CACNA1C: variants seen among roughly 807,000 people sequenced by gnomAD.
CACNA1C encodes the protein calcium voltage-gated channel subunit alpha1 C.
CACNA1C carries 30 observed loss-of-function variants against 229.0 expected under a neutral mutation model. The observed-to-expected ratio is 0.13, with a 90% confidence interval of 0.10 to 0.18. The LOEUF (loss-of-function observed/expected upper bound fraction) is 0.18, where lower values mean the gene tolerates loss of function less well. CACNA1C is among the 10% of genes least tolerant of loss of function. The pLI, the probability that CACNA1C is intolerant of heterozygous loss-of-function variation, is 1.00. For missense variants in CACNA1C, 1,658 were observed against 2,845.0 expected, an observed-to-expected ratio of 0.58 and a Z score of 9.49; for synonymous variants, 1,114 against 1,132.5, an observed-to-expected ratio of 0.98 and a Z score of 0.33.
Position 2,135,703 on chromosome 12 carries a change from T to C in CACNA1C, c.477+15273T>C, listed in dbSNP as rs578222848. 6.9e-5 allele frequency among the ~76,000 whole-genome samples: 10 copies of C among 145,798 alleles called. No individual in the cohort carries two copies. In the South Asian group the frequency reaches 1.3e-3, roughly 19 times the overall value. On this transcript the variant is annotated intron_variant, in intron 3 of 46. Coordinates refer to ENST00000399655, the MANE Select transcript of CACNA1C (RefSeq NM_000719.7). ...CCGCGTGCTGGGAGAACCACTGCTC[T>C]CTTCAAAGCTGTCAGACAGGGACAT...
At chr12:2,432,253 G>A (rs2099092997) in intron 3 of CACNA1C, among the ~76,000 whole-genome samples, 1 of 152,166 alleles carries the variant, frequency 6.6e-6, no homozygotes, top group East Asian at 1.9e-4. Flanking sequence ...GCCCTTTTAG[G>A]GGGCATGTGG....
chr12:2,315,321 C>A (rs1450926685), intron 3 of CACNA1C, among the ~76,000 whole-genome samples: 2 of 152,192 alleles, frequency 1.3e-5, no homozygotes, highest in South Asian at 4.1e-4. Flanking sequence ...TCCTTTTGTG[C>A]CAACAATCTG....
chr12:2,211,005 A>G (rs568692073), intron 3 of CACNA1C, among the ~76,000 whole-genome samples: 1 of 152,218 alleles, frequency 6.6e-6, no homozygotes, highest in Non-Finnish European at 1.5e-5. Context: ...CTTGGGATGC[A>G]TTTTAGCAGA....
At chr12:2,598,262 G>A (rs1327005064) in intron 21 of CACNA1C, among the ~76,000 whole-genome samples, 2 of 152,178 alleles carry the variant, frequency 1.3e-5, no homozygotes, top group African/African-American at 4.8e-5. Flanking sequence ...GCCCTTGCCT[G>A]CTGCTGGCCC....
At chr12:2,276,078 G>A (rs973517598) in intron 3 of CACNA1C, among the ~76,000 whole-genome samples, 15 of 152,146 alleles carry the variant, frequency 9.9e-5, no homozygotes, top group African/African-American at 3.4e-4. Flanking sequence ...ATTTTTTAAT[G>A]ATTTTTTTTT....
intron 1 of CACNA1C, among the ~76,000 whole-genome samples, chr12:2,002,352 G>A (rs1328872452): frequency 6.6e-6 from 1 of 152,210 alleles, no homozygotes; most frequent in African/African-American, 2.4e-5. Flanking sequence ...CAACTGCTCT[G>A]CAGTTGAACT....
At chr12:2,086,656 G>T (rs1267914821) in intron 1 of CACNA1C, among the ~76,000 whole-genome samples, 1 of 152,218 alleles carries the variant, frequency 6.6e-6, no homozygotes. Flanking sequence ...GACTCAGTGA[G>T]CATGGTCCAT....
intron 6 of CACNA1C, among the ~76,000 whole-genome samples, chr12:2,487,507 A>C (rs1025972688): frequency 1.3e-5 from 2 of 150,128 alleles, no homozygotes; most frequent in African/African-American, 2.5e-5. Context: ...ACATAGCCAC[A>C]GTCCTAAAAA....
intron 3 of CACNA1C, among the ~76,000 whole-genome samples, chr12:2,195,434 G>T (rs1469931704): frequency 6.6e-6 from 1 of 152,222 alleles, no homozygotes; most frequent in Non-Finnish European, 1.5e-5. Flanking sequence ...TAGTAAAGTG[G>T]CAGGATTGAA....
At chr12:2,676,029 C>G (rs528968704) in intron 39 of CACNA1C, 1 of 152,348 alleles carries the variant, frequency 6.6e-6, no homozygotes, top group Non-Finnish European at 1.5e-5. Flanking sequence ...TTTATTGAAT[C>G]CTGACAACAT....
intron 3 of CACNA1C, among the ~76,000 whole-genome samples, chr12:2,442,240 A>G (rs1393678863): frequency 2.0e-5 from 3 of 152,202 alleles, no homozygotes; most frequent in Non-Finnish European, 4.4e-5. Flanking sequence ...TAGCCTGTAC[A>G]CATCAGTGTC....
At chr12:2,339,918 C>T (rs570350613) in intron 3 of CACNA1C, among the ~76,000 whole-genome samples, 1 of 152,158 alleles carries the variant, frequency 6.6e-6, no homozygotes, top group Admixed American at 6.5e-5. Context: ...TGTGTATATC[C>T]TTCCAGTCTT....
intron 3 of CACNA1C, among the ~76,000 whole-genome samples, chr12:2,305,543 C>G (rs2094941982): frequency 1.3e-5 from 2 of 152,198 alleles, no homozygotes. Flanking sequence ...TTCCCCACCC[C>G]TCAAAAAACA....
intron 29 of CACNA1C, among the ~76,000 whole-genome samples, chr12:2,623,552 AC>A (rs375214455): frequency 4.3e-4 from 65 of 152,048 alleles, no homozygotes; most frequent in Non-Finnish European, 8.4e-4. Context: ...CTTCCAGAGC[AC>A]CCTTTTCCCT....
At chr12:2,097,415 G>C (rs138243439) in intron 1 of CACNA1C, among the ~76,000 whole-genome samples, 4 of 152,006 alleles carry the variant, frequency 2.6e-5, no homozygotes, top group Admixed American at 1.3e-4. Flanking sequence ...CAAAGTGCTG[G>C]GATTACAGAT....
intron 1 of CACNA1C, chr12:1,993,019 C>T: frequency 1.5e-6 from 1 of 649,966 alleles, no homozygotes; most frequent in South Asian, 1.9e-5. Flanking sequence ...ACTACAAATC[C>T]ATAAAGCTTC....
chr12:2,555,285 A>G (rs537308885), intron 10 of CACNA1C, among the ~76,000 whole-genome samples: 3 of 152,338 alleles, frequency 2.0e-5, no homozygotes, highest in South Asian at 2.1e-4. Flanking sequence ...GAGCAAGACA[A>G]CGCCTCATGG....
intron 39 of CACNA1C, 117 bp downstream of exon 39, chr12:2,674,759 C>A: frequency 2.1e-6 from 2 of 969,988 alleles, no homozygotes; most frequent in Non-Finnish European, 3.1e-6. Context: ...AGACTTGCTT[C>A]TTGAGTCCCC....
At chr12:2,057,211 C>T (rs2055365798) in intron 1 of CACNA1C, among the ~76,000 whole-genome samples, 1 of 152,192 alleles carries the variant, frequency 6.6e-6, no homozygotes, top group African/African-American at 2.4e-5. Flanking sequence ...CAAAGGGATC[C>T]AAGGAGCATA....
Sources: allele counts gnomAD v4.1 joint callset (sites outside exome capture counted in the v4.1 genomes callset), GRCh38; gene constraint gnomAD v4.1.1; transcripts MANE v1.5; gene names NCBI Gene and HGNC (gene_info 2026-07-23, HGNC 2026-07-21).